Variants in CADPS observed in about 807,000 individuals in gnomAD.
The protein encoded by CADPS is calcium dependent secretion activator.
Under a neutral mutation model 167.3 loss-of-function variants are expected in CADPS, and 57 were observed. The observed-to-expected ratio is 0.34, with a 90% CI of 0.28 to 0.42. The LOEUF is 0.42. CADPS is among the 20% of genes least tolerant of loss of function. CADPS has a pLI of 1.00. For synonymous variants in CADPS, 676 were observed against 635.3 expected, an observed-to-expected ratio of 1.06 and a Z score of -0.96; for missense variants, 1,414 against 1,738.1, an observed-to-expected ratio of 0.81 and a Z score of 3.32.
At chr3:62,474,417 G>A in intron 23 of CADPS, 97 bp from the exon 24 acceptor site, 1 of 1,110,578 alleles carries the variant, frequency 9.0e-7, no homozygotes, top group African/African-American at 1.5e-5. Flanking sequence ...AAAATTGAAG[G>A]CTGTAATCAG....
intron 6 of CADPS, among the ~76,000 whole-genome samples, chr3:62,608,182 C>T (rs536296111): frequency 1.3e-5 from 2 of 152,170 alleles, no homozygotes; most frequent in East Asian, 3.9e-4. Context: ...AAGGCCTAGT[C>T]ACTCTTACTG....
rs572097329 is a variant in CADPS at position 62,833,714 on chromosome 3, G to T, written c.441+40875C>A. On this transcript the variant is annotated intron_variant, in intron 1 of 29. Coordinates refer to ENST00000383710, the MANE Select transcript of CADPS (RefSeq NM_003716.4). ...AAATCCTCCATTAGGGGGCATGAGG[G>T]AGACAGAGAAGCTGGTGCTGAACCT... 2.6e-4 allele frequency among the ~76,000 whole-genome samples: 39 copies of T among 152,100 alleles called. No individual in the cohort carries two copies. In the Middle Eastern group the frequency reaches 0.01, roughly 40 times the overall value.
chr3:62,513,783 C>A, intron 16 of CADPS: 1 of 892,954 alleles, frequency 1.1e-6, no homozygotes, highest in Non-Finnish European at 1.8e-6. Context: ...TAGAGGAAAA[C>A]GTTACATTAG....
In CADPS at chr3:62,601,116, G is replaced by A. The variant is rs1512011; in HGVS notation, c.1326-8368C>T. Among the ~76,000 whole-genome samples the A allele has an allele frequency of 0.021, 3,137 of 152,274 alleles. 157 individuals are homozygous for A. The highest frequency in any genetic ancestry group is 0.2 in the East Asian group (1,012 of 5,170). ...TATAGACCAGGGGTTGTTAAACTAT[G>A]GCCATGGGTATGGGTCTGCTTATGT... On this transcript the variant is annotated intron_variant, in intron 6 of 29. Transcript: ENST00000383710. The surrounding 1 kb of genome is among the most constrained non-coding windows in gnomAD (Gnocchi z 4.3).
chr3:62,416,389 G>A (rs1417623688), intron 28 of CADPS, among the ~76,000 whole-genome samples: 1 of 152,136 alleles, frequency 6.6e-6, no homozygotes, highest in African/African-American at 2.4e-5. Context: ...AGGGCTCCCA[G>A]CCCAGCTAAA....
At chr3:62,436,808 A>C (rs2055154782) in intron 28 of CADPS, among the ~76,000 whole-genome samples, 1 of 152,108 alleles carries the variant, frequency 6.6e-6, no homozygotes, top group South Asian at 2.1e-4. Context: ...TGTCGAGGAA[A>C]GGTGATGCAG....
chr3:62,692,983 A>G (rs1000272267), intron 3 of CADPS, among the ~76,000 whole-genome samples: 1 of 151,870 alleles, frequency 6.6e-6, no homozygotes, highest in African/African-American at 2.4e-5. Flanking sequence ...TCTCATCTTG[A>G]GGCACTCTCT....
chr3:62,864,494 C>A (rs1209461882), intron 1 of CADPS, among the ~76,000 whole-genome samples: 1 of 152,088 alleles, frequency 6.6e-6, no homozygotes, highest in African/African-American at 2.4e-5. Flanking sequence ...CCTTCTGAGG[C>A]GTAAGAATCT....
intron 9 of CADPS, among the ~76,000 whole-genome samples, chr3:62,567,381 G>A (rs941351481): frequency 1.3e-5 from 2 of 151,778 alleles, no homozygotes; most frequent in African/African-American, 4.8e-5. Context: ...TAGGGACTGT[G>A]TATGCGTGTG....
intron 6 of CADPS, among the ~76,000 whole-genome samples, chr3:62,624,210 T>A (rs983401347): frequency 4.4e-5 from 6 of 136,760 alleles, no homozygotes; most frequent in African/African-American, 1.5e-4. Flanking sequence ...AAATTTTAGG[T>A]AGTTCTAAGA....
At chr3:62,766,816 T>C (rs79960698) in intron 1 of CADPS, among the ~76,000 whole-genome samples, 3,022 of 152,294 alleles carry the variant, frequency 0.02, 53 homozygotes, top group South Asian at 0.057. Context: ...ATGAAGTCCT[T>C]CCCAGCCCCT....
At chr3:62,805,056 T>C (rs981315226) in intron 1 of CADPS, among the ~76,000 whole-genome samples, 7 of 152,194 alleles carry the variant, frequency 4.6e-5, no homozygotes, top group Non-Finnish European at 1.0e-4. Flanking sequence ...TAATTCTTTG[T>C]TGTGGGTGGC....
At chr3:62,560,464 G>A (rs1230346074) in intron 9 of CADPS, among the ~76,000 whole-genome samples, 1 of 152,236 alleles carries the variant, frequency 6.6e-6, no homozygotes, top group African/African-American at 2.4e-5. Flanking sequence ...TGTTAGAAGT[G>A]AGAAAGTCAG....
At position 62,492,308 on chromosome 3, in the gene CADPS, C is replaced by T. The variant is rs1401717460; in HGVS notation, c.2866G>A (p.Asp956Asn). 11 of 1,613,930 alleles carry T rather than the reference C, an allele frequency of 6.8e-6. No individual in the cohort carries two copies. The highest frequency in any genetic ancestry group is 1.6e-4 in the Middle Eastern group (1 of 6,084). The change falls in exon 20 of 30, where the codon GAT becomes AAT. Residue 956 changes from aspartate (D) to asparagine (N), a missense_variant. Coordinates refer to ENST00000383710, the MANE Select transcript of CADPS (RefSeq NM_003716.4). ...TACATACAGTCAGTACGGAGAAAAT[C>T]ATTCAGCAGCTGAAATAGTGGAAAA... ...DSFPLFQLLN[D>N]FLRTDYNLCN...
chr3:62,415,033 A>G (rs543269591), intron 28 of CADPS, among the ~76,000 whole-genome samples: 31 of 152,234 alleles, frequency 2.0e-4, no homozygotes, highest in African/African-American at 7.2e-4. Flanking sequence ...TGTCTCCTTG[A>G]CAACACCCCA....
intron 3 of CADPS, among the ~76,000 whole-genome samples, chr3:62,703,922 T>C (rs1207163703): frequency 6.6e-6 from 1 of 152,250 alleles, no homozygotes; most frequent in African/African-American, 2.4e-5. Flanking sequence ...TCATCTGTAA[T>C]AGGGTGTCCA....
chr3:62,808,866 A>G (rs1192102530), intron 1 of CADPS, among the ~76,000 whole-genome samples: 3 of 152,048 alleles, frequency 2.0e-5, no homozygotes, highest in African/African-American at 7.2e-5. Context: ...TTTCAAACCT[A>G]ACACAACCCA....
rs1307609091 is a variant in CADPS, at chr3:62,412,547, C to T, written c.3778-9362G>A. On this transcript the variant is annotated intron_variant, in intron 28 of 29. Coordinates refer to ENST00000383710, the MANE Select transcript of CADPS (RefSeq NM_003716.4). This position sits in a 1 kb window ranked among gnomAD's most constrained non-coding sequence, Gnocchi z 4.1. The stretch of plus-strand genomic sequence containing the variant: ...ACTCCCTTAGGAAGGTCCCAAATAT[C>T]TTGATTTTTTATTAAGATAAGCAGT... 1.3e-5 allele frequency among the ~76,000 whole-genome samples: 2 copies of T among 152,118 alleles called. No homozygotes were observed. Among genetic ancestry groups the T allele is most frequent in the African/African-American group, 2.4e-5 (1 of 41,426 alleles).
At chr3:62,516,249 T>C (rs1459108713) in intron 15 of CADPS, 67 bp from the exon 16 acceptor site, 1 of 1,575,500 alleles carries the variant, frequency 6.3e-7, no homozygotes, top group African/African-American at 1.4e-5. Context: ...CCATACTTCT[T>C]AGAAGCGTGA....
Sources: allele counts gnomAD v4.1 joint callset (sites outside exome capture counted in the v4.1 genomes callset), GRCh38; gene constraint gnomAD v4.1.1; non-coding constraint Gnocchi (gnomAD v3.1); transcripts MANE v1.5; gene names NCBI Gene and HGNC (gene_info 2026-07-23, HGNC 2026-07-21).